KCNH5: variants seen among roughly 807,000 people sequenced by gnomAD.
KCNH5 encodes the protein potassium voltage-gated channel subfamily H member 5.
In KCNH5, 46 loss-of-function variants were observed where a neutral mutation model predicts 96.1. The observed-to-expected ratio is 0.48, with a 90% CI of 0.38 to 0.61. The LOEUF is 0.61. Ranked by LOEUF, KCNH5 falls within the 20% of genes least tolerant of loss-of-function variation. KCNH5 has a pLI of 0.00. For missense variants in KCNH5, 907 were observed against 1,225.8 expected (o/e 0.74, Z 3.88); for synonymous variants, 439 against 449.8 (o/e 0.98, Z 0.30).
chr14:62,860,858 T>A (rs915134353), intron 7 of KCNH5, among the ~76,000 whole-genome samples: 18 of 152,222 alleles, frequency 1.2e-4, no homozygotes, highest in Non-Finnish European at 2.9e-5. Flanking sequence ...TGCAATGCTA[T>A]CTATGCCAAC....
intron 7 of KCNH5, among the ~76,000 whole-genome samples, chr14:62,914,958 A>G (rs1405238944): frequency 6.6e-6 from 1 of 152,228 alleles, no homozygotes; most frequent in Middle Eastern, 3.2e-3. Flanking sequence ...ACGTTCCTTG[A>G]AGAATGGAGG....
intron 7 of KCNH5, among the ~76,000 whole-genome samples, chr14:62,885,306 T>C (rs1489645347): frequency 6.6e-6 from 1 of 152,208 alleles, no homozygotes; most frequent in African/African-American, 2.4e-5. Flanking sequence ...AAGACAATTA[T>C]GTTAGCTAAA....
At chr14:62,739,186 C>T (rs1885221148) in intron 10 of KCNH5, among the ~76,000 whole-genome samples, 1 of 152,094 alleles carries the variant, frequency 6.6e-6, no homozygotes, top group African/African-American at 2.4e-5. Context: ...TGCTGCCATG[C>T]CATATTCAAA....
At chr14:62,952,852 C>A (rs76419007) in intron 6 of KCNH5, among the ~76,000 whole-genome samples, 7,667 of 152,116 alleles carry the variant, frequency 0.05, 667 homozygotes, top group African/African-American at 0.18. Context: ...AGGTGACCAT[C>A]CTGACAGGCC....
chr14:62,881,342 T>G (rs905004061), intron 7 of KCNH5, among the ~76,000 whole-genome samples: 1 of 152,216 alleles, frequency 6.6e-6, no homozygotes, highest in East Asian at 1.9e-4. Flanking sequence ...TCTTTTTTTT[T>G]TTAGTAAGAA....
intron 7 of KCNH5, among the ~76,000 whole-genome samples, chr14:62,909,755 G>T (rs575128411): frequency 2.6e-5 from 4 of 151,922 alleles, no homozygotes; most frequent in Non-Finnish European, 5.9e-5. Flanking sequence ...GAGTGAGCCC[G>T]CAGAGGCACA....
chr14:62,713,438 T>C (rs1305430218), intron 10 of KCNH5, among the ~76,000 whole-genome samples: 2 of 152,200 alleles, frequency 1.3e-5, no homozygotes, highest in Admixed American at 1.3e-4. Context: ...AATCAGTCAT[T>C]GAAAGGTCTT....
At chr14:62,765,777 T>C (rs1885846683) in intron 10 of KCNH5, among the ~76,000 whole-genome samples, 1 of 152,078 alleles carries the variant, frequency 6.6e-6, no homozygotes, top group African/African-American at 2.4e-5. Flanking sequence ...AGGGCATTGG[T>C]CTGGGCAAAA....
intron 7 of KCNH5, among the ~76,000 whole-genome samples, chr14:62,876,697 A>G (rs1888379982): frequency 6.6e-6 from 1 of 152,244 alleles, no homozygotes; most frequent in Admixed American, 6.5e-5. Context: ...AGCGACCTTT[A>G]TCAAGACAAC....
chr14:63,002,907 G>T (rs974714009), intron 3 of KCNH5, among the ~76,000 whole-genome samples: 2 of 151,910 alleles, frequency 1.3e-5, no homozygotes, highest in African/African-American at 4.8e-5. Flanking sequence ...TTCTGTTTTC[G>T]TATTTTACAC....
rs1156985413 is a variant in KCNH5 at position 62,847,708 on chromosome 14, CT to C, written c.1569+1944del. 6.6e-5 allele frequency among the ~76,000 whole-genome samples: 10 copies of C among 152,306 alleles called. No individual in the cohort carries two copies. In the East Asian group the frequency reaches 1.9e-3, roughly 29 times the overall value. Reference sequence around the variant, plus strand: ...TCATTGAAATTAAATTTTTATTTCACTTTTAATATTAGTCTCCCCATATTCG... The same window carrying C: ...TCATTGAAATTAAATTTTTATTTCACTTTAATATTAGTCTCCCCATATTCG... On this transcript the variant is annotated intron_variant, in intron 8 of 10. Coordinates refer to ENST00000322893, the MANE Select transcript of KCNH5 (RefSeq NM_139318.5).
rs150848651 is a variant in KCNH5 at position 62,762,497 on chromosome 14, T to A, written c.2019+17231A>T. The stretch of plus-strand genomic sequence containing the variant: ...CAGCCTCTCCACACAGCTTTGCCAA[T>A]GTACACTCCACCACAACGTCACCCC... On this transcript the variant is annotated intron_variant, in intron 10 of 10. Transcript: ENST00000322893. Among the ~76,000 whole-genome samples, 561 of 152,226 alleles carry A rather than the reference T, an allele frequency of 3.7e-3. 1 individual carries two copies. Among genetic ancestry groups the A allele is most frequent in the Non-Finnish European group, 6.2e-3 (423 of 67,994 alleles).
At position 62,997,575 on chromosome 14, in the gene KCNH5, T is replaced by C. The variant is rs565698494; in HGVS notation, c.433+3756A>G. ...CATAAGTGGGATAAACCCCACTTGG[T>C]TGTCATAATTCTTTTTAGATATTGT... On this transcript the variant is annotated intron_variant, in intron 4 of 10. Transcript: ENST00000322893. 9.2e-5 allele frequency among the ~76,000 whole-genome samples: 14 copies of C among 152,302 alleles called. No individual in the cohort carries two copies. In the South Asian group the frequency reaches 2.9e-3, roughly 32 times the overall value.
intron 10 of KCNH5, among the ~76,000 whole-genome samples, chr14:62,751,836 C>G (rs1012258075): frequency 1.3e-5 from 2 of 152,100 alleles, no homozygotes; most frequent in Non-Finnish European, 2.9e-5. Context: ...GTATGGGGAC[C>G]CATAGCTGCT....
At chr14:63,017,854 A>G (rs994885750) in intron 1 of KCNH5, among the ~76,000 whole-genome samples, 5 of 151,978 alleles carry the variant, frequency 3.3e-5, no homozygotes, top group Non-Finnish European at 4.4e-5. Context: ...AAAATATAAC[A>G]AATTTTTTAG....
At chr14:62,901,544 G>T (rs947502534) in intron 7 of KCNH5, among the ~76,000 whole-genome samples, 1 of 152,180 alleles carries the variant, frequency 6.6e-6, no homozygotes. Context: ...CATGTTGCTG[G>T]AAAGAATATA....
intron 8 of KCNH5, among the ~76,000 whole-genome samples, chr14:62,840,409 C>T (rs1887552101): frequency 6.6e-6 from 1 of 152,058 alleles, no homozygotes; most frequent in Non-Finnish European, 1.5e-5. Context: ...GTTGCATAGC[C>T]ATGCAGCCCT....
chr14:62,744,539 C>G (rs1349707138), intron 10 of KCNH5, among the ~76,000 whole-genome samples: 1 of 152,092 alleles, frequency 6.6e-6, no homozygotes, highest in African/African-American at 2.4e-5. Flanking sequence ...GACTTTCTGA[C>G]AACAAATCAA....
intron 1 of KCNH5, among the ~76,000 whole-genome samples, chr14:63,029,810 A>G (rs545734853): frequency 6.6e-6 from 1 of 152,160 alleles, no homozygotes; most frequent in South Asian, 2.1e-4. Flanking sequence ...TAACTGTTGC[A>G]TTTCCCTGTA....
Sources: allele counts gnomAD v4.1 joint callset (sites outside exome capture counted in the v4.1 genomes callset), GRCh38; gene constraint gnomAD v4.1.1; transcripts MANE v1.5; gene names NCBI Gene and HGNC (gene_info 2026-07-23, HGNC 2026-07-21).